The following ITGB3BP variants were observed in gnomAD, a reference collection of about 807,000 sequenced individuals.
The protein encoded by ITGB3BP is centromere protein R.
Under a neutral mutation model 29.1 loss-of-function variants are expected in ITGB3BP, and 27 were observed. The ratio of observed to expected loss-of-function variants is 0.93; its 90% CI spans 0.68 to 1.28. The LOEUF is 1.28. Ranked by LOEUF, ITGB3BP falls within the 50% of genes most tolerant of loss-of-function variation. The probability of loss-of-function intolerance (pLI) is 0.00; values close to 1 mark genes in which losing one functional copy is unlikely to be tolerated. For missense variants in ITGB3BP, 192 were observed against 200.2 expected (o/e 0.96, Z 0.25); for synonymous variants, 61 against 61.4 (o/e 0.99, Z 0.03).
chr1:63,470,337 A>G (rs1264059798), intron 4 of ITGB3BP, among the ~76,000 whole-genome samples: 1 of 152,228 alleles, frequency 6.6e-6, no homozygotes, highest in African/African-American at 2.4e-5. Flanking sequence ...TTGGGAGTCT[A>G]TTAGTATAGA....
intron 2 of ITGB3BP, among the ~76,000 whole-genome samples, chr1:63,504,361 T>C (rs1348785541): frequency 1.3e-5 from 2 of 151,986 alleles, no homozygotes; most frequent in African/African-American, 2.4e-5. Flanking sequence ...ACATTGATTT[T>C]GTATCCTGAG....
rs539191966 is a variant in ITGB3BP at position 63,498,836 on chromosome 1, G to A, written c.49-8618C>T. ...AGACTGATGAAGGAAGGAAGAAAAG[G>A]AGGGAGGGAGGGTGGAAGGAAGGAA... On this transcript the variant is annotated intron_variant, in intron 2 of 8. Transcript: ENST00000271002. 2.6e-5 allele frequency among the ~76,000 whole-genome samples: 4 copies of A among 152,078 alleles called. No individual in the cohort carries two copies. In the South Asian group the frequency reaches 8.3e-4, roughly 32 times the overall value.
At chr1:63,523,686 T>G (rs1257272138), upstream of ITGB3BP, 1 of 166,634 alleles carries the variant, frequency 6.0e-6, no homozygotes, top group Non-Finnish European at 1.3e-5. Flanking sequence ...TCCCTCTCTG[T>G]GCAGCTGCTT....
intron 4 of ITGB3BP, among the ~76,000 whole-genome samples, chr1:63,473,488 C>T (rs1645252835): frequency 6.9e-6 from 1 of 144,878 alleles, no homozygotes; most frequent in Non-Finnish European, 1.5e-5. Context: ...GGTCAGCCCC[C>T]CGCCCGGCCA....
chr1:63,447,522 C>G (rs1644803835), intron 7 of ITGB3BP: 1 of 461,384 alleles, frequency 2.2e-6, no homozygotes, highest in Admixed American at 2.3e-5. Flanking sequence ...AATATTCAGA[C>G]AAGTGTTGTG....
intron 1 of ITGB3BP, among the ~76,000 whole-genome samples, chr1:63,515,838 A>C (rs1451551503): frequency 2.7e-5 from 4 of 149,950 alleles, no homozygotes; most frequent in Non-Finnish European, 5.9e-5. Flanking sequence ...AAAAAAAAAA[A>C]AAAAAAAAAA....
At chr1:63,482,810 C>T (rs922542547) in intron 3 of ITGB3BP, among the ~76,000 whole-genome samples, 24 of 152,102 alleles carry the variant, frequency 1.6e-4, no homozygotes, top group African/African-American at 4.8e-4. Flanking sequence ...TGCACCACCA[C>T]GCCTGGCTAA....
At chr1:63,490,987 T>G (rs536075709) in intron 2 of ITGB3BP, among the ~76,000 whole-genome samples, 15 of 121,754 alleles carry the variant, frequency 1.2e-4, no homozygotes, top group Non-Finnish European at 2.4e-4. Flanking sequence ...TATACTAATT[T>G]GTTCACTGGT....
chr1:63,490,017 C>T (rs1381754278), intron 3 of ITGB3BP, 66 bp downstream of exon 3: 2 of 1,405,080 alleles, frequency 1.4e-6, no homozygotes, highest in African/African-American at 2.9e-5. Flanking sequence ...ATAATTAAAT[C>T]ACAATTTTGA....
chr1:63,443,819 T>C (rs1644757352), intron 8 of ITGB3BP, among the ~76,000 whole-genome samples: 1 of 152,158 alleles, frequency 6.6e-6, no homozygotes, highest in Non-Finnish European at 1.5e-5. Context: ...AATGGAATGA[T>C]ATAATCCCTA....
chr1:63,519,319 T>C (rs766175794), intron 1 of ITGB3BP, among the ~76,000 whole-genome samples: 1 of 152,130 alleles, frequency 6.6e-6, no homozygotes, highest in East Asian at 1.9e-4. Flanking sequence ...GAACATCTCA[T>C]GTAATTTATT....
chr1:63,508,741 TTTG>T (rs1286071206), intron 1 of ITGB3BP, among the ~76,000 whole-genome samples, 171 bp from the exon 2 acceptor site: 1 of 152,098 alleles, frequency 6.6e-6, no homozygotes, highest in Admixed American at 6.5e-5. Flanking sequence ...TGATGACAGG[TTTG>T]ATTCTAATTG....
chr1:63,524,919 GAACAC>G (rs1313694714), upstream of ITGB3BP, among the ~76,000 whole-genome samples: 1 of 152,094 alleles, frequency 6.6e-6, no homozygotes, highest in African/African-American at 2.4e-5. Flanking sequence ...ATTAATAAAG[GAACAC>G]AGTAAAACTA....
chr1:63,505,897 G>C (rs1352680946), intron 2 of ITGB3BP, among the ~76,000 whole-genome samples: 1 of 152,144 alleles, frequency 6.6e-6, no homozygotes, highest in Non-Finnish European at 1.5e-5. Context: ...TATAATTTCT[G>C]TTCTTTTACA....
At chr1:63,515,825 T>TAAAAAAAAAAAAAAAA (rs76881362) in intron 1 of ITGB3BP, among the ~76,000 whole-genome samples, 4 of 48,594 alleles carry the variant, frequency 8.2e-5, no homozygotes, top group African/African-American at 3.4e-4. Context: ...GACTCCAACT[T>TAAAAAAAAAAAAAAAA]AAAAAAAAAA....
chr1:63,494,118 A>G (rs1401207223), intron 2 of ITGB3BP, among the ~76,000 whole-genome samples: 3 of 152,156 alleles, frequency 2.0e-5, no homozygotes, highest in Non-Finnish European at 4.4e-5. Flanking sequence ...GGTGCCTAGA[A>G]GAGTACTAGA....
intron 4 of ITGB3BP, among the ~76,000 whole-genome samples, chr1:63,475,393 A>C (rs1645317709): frequency 6.6e-6 from 1 of 152,186 alleles, no homozygotes; most frequent in Non-Finnish European, 1.5e-5. Flanking sequence ...ACATCTCTAC[A>C]AAAAAATAAA....
chr1:63,467,036 C>T (rs531800536), intron 4 of ITGB3BP, among the ~76,000 whole-genome samples: 1 of 152,048 alleles, frequency 6.6e-6, no homozygotes, highest in Non-Finnish European at 1.5e-5. Flanking sequence ...GTGCACACTA[C>T]CATGCTCGGC....
At chr1:63,484,446 TTTCA>T (rs1222968014) in intron 3 of ITGB3BP, among the ~76,000 whole-genome samples, 1 of 152,112 alleles carries the variant, frequency 6.6e-6, no homozygotes, top group Non-Finnish European at 1.5e-5. Context: ...GCTGACATGT[TTTCA>T]TTATCATTCA....
Sources: gnomAD v4.1 joint callset for allele counts (sites outside exome capture counted in the v4.1 genomes callset) on GRCh38, gnomAD v4.1.1 for gene constraint, MANE v1.5 for transcripts, NCBI Gene and HGNC (gene_info 2026-07-23, HGNC 2026-07-21) for gene names.